The following ARL13B variants were observed in gnomAD, a reference collection of about 807,000 sequenced individuals.
ARL13B encodes ADP-ribosylation factor-like protein 13B.
A neutral mutation model predicts 56.1 loss-of-function variants in ARL13B; 36 were observed. The observed-to-expected ratio is 0.64, with a 90% CI of 0.49 to 0.85. ARL13B has a LOEUF of 0.85. Among genes scored for constraint, ARL13B ranks in the 40% least tolerant of loss-of-function variants. The pLI, the probability that ARL13B is intolerant of heterozygous loss-of-function variation, is 0.00. For missense variants in ARL13B, 519 were observed against 507.1 expected, an observed-to-expected ratio of 1.02 and a Z score of -0.23; for synonymous variants, 178 against 171.1, an observed-to-expected ratio of 1.04 and a Z score of -0.32.
intron 6 of ARL13B, among the ~76,000 whole-genome samples, chr3:94,042,381 G>A (rs1309672189): frequency 6.6e-6 from 1 of 152,010 alleles, no homozygotes; most frequent in East Asian, 1.9e-4. Flanking sequence ...AAAGCTATTA[G>A]GATGATTCTG....
chr3:94,015,243 C>T, intron 3 of ARL13B: 1 of 1,556,090 alleles, frequency 6.4e-7, no homozygotes, highest in Non-Finnish European at 8.7e-7. Flanking sequence ...TTGTTCTCTG[C>T]TTTAGTTCTT....
chr3:93,982,946 T>C (rs1346354932), intron 1 of ARL13B, among the ~76,000 whole-genome samples: 2 of 152,204 alleles, frequency 1.3e-5, no homozygotes, highest in Non-Finnish European at 2.9e-5. Flanking sequence ...TATGGTGTTC[T>C]CTATTTTTTC....
intron 3 of ARL13B, among the ~76,000 whole-genome samples, chr3:94,017,813 G>A (rs1471099461): frequency 6.6e-6 from 1 of 152,138 alleles, no homozygotes; most frequent in Admixed American, 6.6e-5. Context: ...GGGTTGCCAA[G>A]GCAGTGAATG....
rs565455863 is a variant in ARL13B at position 93,983,492 on chromosome 3, A to T, written c.59+3010A>T. 7.2e-5 allele frequency among the ~76,000 whole-genome samples: 11 copies of T among 152,232 alleles called. No homozygotes were observed. In the East Asian group the frequency reaches 2.1e-3, roughly 29 times the overall value. On this transcript the variant is annotated intron_variant, in intron 1 of 9. Transcript: ENST00000394222. ...GTTTATCTTTTAAAAATATGTTACC[A>T]AATTGCTCCTCAGAAAGGATTAAAA...
At position 94,036,536 on chromosome 3, in the gene ARL13B, T is replaced by C. The variant is rs1446715428; in HGVS notation, c.487-16T>C. 6.2e-7 allele frequency: 1 copy of C among 1,613,300 alleles called. No individual in the cohort carries two copies. The highest frequency in any genetic ancestry group is 8.5e-7 in the Non-Finnish European group (1 of 1,179,536). The stretch of plus-strand genomic sequence containing the variant: ...GAGACCTTTTAATCTTTTAGTCAAA[T>C]AAATTTCTGTTTTAGGAACCATGTT... On this transcript the variant is annotated splice_polypyrimidine_tract_variant and intron_variant, in intron 4 of 9. Coordinates refer to ENST00000394222, the MANE Select transcript of ARL13B (RefSeq NM_001174150.2).
intron 4 of ARL13B, 36 bp downstream of exon 4, chr3:94,035,472 T>A (rs769229841): frequency 6.9e-7 from 1 of 1,438,852 alleles, no homozygotes; most frequent in African/African-American, 1.4e-5. Flanking sequence ...TTTAATTTTT[T>A]GTCCTTTCAA....
At chr3:94,022,366 T>A (rs926646541) in intron 3 of ARL13B, among the ~76,000 whole-genome samples, 2 of 152,132 alleles carry the variant, frequency 1.3e-5, no homozygotes, top group African/African-American at 4.8e-5. Flanking sequence ...CCTCAAGTGA[T>A]CCACCCGCCT....
At chr3:94,017,253 T>G (rs1329148315) in intron 3 of ARL13B, among the ~76,000 whole-genome samples, 1 of 152,174 alleles carries the variant, frequency 6.6e-6, no homozygotes, top group Non-Finnish European at 1.5e-5. Flanking sequence ...TAAACAAAGG[T>G]CTGTGTATGC....
intron 7 of ARL13B, among the ~76,000 whole-genome samples, chr3:94,046,766 TTGCAA>T (rs1487396247): frequency 6.6e-5 from 10 of 152,342 alleles, no homozygotes; most frequent in Admixed American, 3.9e-4. Flanking sequence ...TTGCTGTAGG[TTGCAA>T]ACTTTATTGG....
At chr3:94,053,073 G>GT (rs1461435453) in intron 9 of ARL13B, 114 bp from the exon 10 acceptor site, 2 of 851,564 alleles carry the variant, frequency 2.3e-6, no homozygotes, top group African/African-American at 1.7e-5. Flanking sequence ...GATTCTGTAA[G>GT]TTTATCTCTT....
At chr3:94,041,139 TG>T (rs2076854867) in intron 6 of ARL13B, among the ~76,000 whole-genome samples, 1 of 152,072 alleles carries the variant, frequency 6.6e-6, no homozygotes, top group Non-Finnish European at 1.5e-5. Flanking sequence ...TTTTTTAGCA[TG>T]TTTCTTGGTA....
intron 3 of ARL13B, among the ~76,000 whole-genome samples, chr3:94,006,927 G>T (rs559495798): frequency 6.6e-6 from 1 of 152,260 alleles, no homozygotes; most frequent in Non-Finnish European, 1.5e-5. Flanking sequence ...AGTGCTAGGG[G>T]ATGGGGGCTG....
chr3:93,985,521 ATTCT>A (rs1447603078), intron 1 of ARL13B, among the ~76,000 whole-genome samples: 2 of 152,208 alleles, frequency 1.3e-5, no homozygotes, highest in East Asian at 1.9e-4. Context: ...TGGCAACAAA[ATTCT>A]TTGTTTATAT....
At chr3:94,032,261 A>G (rs986308230) in intron 3 of ARL13B, among the ~76,000 whole-genome samples, 1 of 152,222 alleles carries the variant, frequency 6.6e-6, no homozygotes, top group Admixed American at 6.5e-5. Context: ...GTCATTTTTC[A>G]AAAGAAGACA....
chr3:94,046,301 C>G (rs2076983647), intron 7 of ARL13B, among the ~76,000 whole-genome samples: 1 of 152,140 alleles, frequency 6.6e-6, no homozygotes, highest in Non-Finnish European at 1.5e-5. Flanking sequence ...TCCACCTCAT[C>G]TCCTGGCAAT....
chr3:94,002,085 T>A (rs969869173), intron 2 of ARL13B, among the ~76,000 whole-genome samples: 5 of 152,132 alleles, frequency 3.3e-5, no homozygotes, highest in African/African-American at 1.2e-4. Context: ...ACACCTAAGT[T>A]TAGTGAATGC....
intron 7 of ARL13B, among the ~76,000 whole-genome samples, 168 bp downstream of exon 7, chr3:94,043,408 T>A (rs377462338): frequency 2.0e-5 from 3 of 151,674 alleles, no homozygotes; most frequent in South Asian, 4.2e-4. Context: ...ATTCAGTTTG[T>A]TCCTAACCTG....
At position 94,011,008 on chromosome 3, in the gene ARL13B, TTAA is replaced by T. The variant is rs530610980; in HGVS notation, c.380+7105_380+7107del. ...TATCATCTTTTAAGTTTATCTTTTT[TTAA>T]TAATGTTTCTTAAATATTTGAAGCG... On this transcript the variant is annotated intron_variant, in intron 3 of 9. Transcript: ENST00000394222. 6.0e-4 allele frequency among the ~76,000 whole-genome samples: 92 copies of T among 152,242 alleles called. 1 individual carries two copies. In the South Asian group the frequency reaches 0.016, roughly 26 times the overall value.
At chr3:94,008,275 C>G (rs751324644) in intron 3 of ARL13B, among the ~76,000 whole-genome samples, 1 of 152,066 alleles carries the variant, frequency 6.6e-6, no homozygotes, top group Non-Finnish European at 1.5e-5. Context: ...GTATGAATTA[C>G]GTTATCTACT....
Sources: gnomAD v4.1 joint callset for allele counts (sites outside exome capture counted in the v4.1 genomes callset) on GRCh38, gnomAD v4.1.1 for gene constraint, MANE v1.5 for transcripts, NCBI Gene and HGNC (gene_info 2026-07-23, HGNC 2026-07-21) for gene names.